SPAG16: variants seen among roughly 807,000 people sequenced by gnomAD.
SPAG16 encodes the protein sperm associated antigen 16, also known as sperm-associated antigen 16 protein.
A neutral mutation model predicts 80.4 loss-of-function variants in SPAG16; 86 were observed. That is an observed-to-expected ratio of 1.07 (90% CI 0.90 to 1.28). SPAG16 has a LOEUF of 1.28. Ranked by LOEUF, SPAG16 falls within the 50% of genes most tolerant of loss-of-function variation. SPAG16 has a pLI of 0.00. For synonymous variants in SPAG16, 294 were observed against 265.9 expected, an observed-to-expected ratio of 1.11 and a Z score of -1.03; for missense variants, 870 against 765.3, an observed-to-expected ratio of 1.14 and a Z score of -1.61.
intron 15 of SPAG16, among the ~76,000 whole-genome samples, chr2:214,300,150 T>A (rs1430493642): frequency 1.3e-5 from 2 of 152,140 alleles, no homozygotes; most frequent in Admixed American, 6.5e-5. Context: ...AATTCTCACA[T>A]ATAGTTTTTA....
At chr2:213,700,191 T>A (rs923673654) in intron 10 of SPAG16, among the ~76,000 whole-genome samples, 3 of 152,096 alleles carry the variant, frequency 2.0e-5, no homozygotes, top group African/African-American at 7.2e-5. Context: ...GATTTGATGT[T>A]ATAGAGCCTC....
intron 10 of SPAG16, among the ~76,000 whole-genome samples, chr2:213,591,722 AG>A (rs2060698651): frequency 6.6e-6 from 1 of 152,198 alleles, no homozygotes; most frequent in African/African-American, 2.4e-5. Context: ...GTGTGTGGCA[AG>A]GGGTCAGCGG....
At chr2:213,382,208 A>T (rs2067208101) in intron 9 of SPAG16, among the ~76,000 whole-genome samples, 1 of 152,196 alleles carries the variant, frequency 6.6e-6, no homozygotes, top group African/African-American at 2.4e-5. Flanking sequence ...CTCTAGCACA[A>T]TTTAAATTAT....
intron 10 of SPAG16, among the ~76,000 whole-genome samples, chr2:213,766,462 C>G (rs1260363028): frequency 2.6e-5 from 4 of 152,122 alleles, no homozygotes; most frequent in Non-Finnish European, 5.9e-5. Context: ...AGCAGCTCAG[C>G]TGAAATTAAA....
At chr2:213,928,806 C>T (rs779734899) in intron 11 of SPAG16, among the ~76,000 whole-genome samples, 14 of 151,680 alleles carry the variant, frequency 9.2e-5, no homozygotes, top group Non-Finnish European at 1.6e-4. Context: ...TATTACAATT[C>T]GGTGAGAGAA....
At chr2:214,208,991 A>T (rs72944062) in intron 15 of SPAG16, among the ~76,000 whole-genome samples, 11,813 of 152,048 alleles carry the variant, frequency 0.078, 539 homozygotes, top group Middle Eastern at 0.1. Context: ...CTTGAACCCA[A>T]TTGCTCTGTT....
chr2:214,222,353 G>A (rs1198129057), intron 15 of SPAG16, among the ~76,000 whole-genome samples: 2 of 151,974 alleles, frequency 1.3e-5, no homozygotes, highest in African/African-American at 4.8e-5. Context: ...CTGACCTCAG[G>A]TGATCCACCC....
chr2:214,340,551 AG>A (rs1697602878), intron 15 of SPAG16, among the ~76,000 whole-genome samples: 1 of 152,222 alleles, frequency 6.6e-6, no homozygotes, highest in African/African-American at 2.4e-5. Context: ...GCCCTGCCCC[AG>A]AGCATGATGG....
intron 10 of SPAG16, among the ~76,000 whole-genome samples, chr2:213,648,863 C>T (rs991097930): frequency 2.0e-5 from 3 of 152,140 alleles, no homozygotes; most frequent in Admixed American, 6.6e-5. Context: ...CTGGTTGACA[C>T]AGTTTAAATT....
intron 9 of SPAG16, among the ~76,000 whole-genome samples, chr2:213,433,901 T>A (rs1010574390): frequency 6.8e-6 from 1 of 148,076 alleles, no homozygotes; most frequent in Non-Finnish European, 1.5e-5. Flanking sequence ...TCTTCTTTTT[T>A]CCTTTTTCTT....
intron 15 of SPAG16, among the ~76,000 whole-genome samples, chr2:214,152,789 T>C (rs2056039268): frequency 6.6e-6 from 1 of 152,108 alleles, no homozygotes; most frequent in Admixed American, 6.5e-5. Context: ...ACGTGTCCAC[T>C]GGACAGGGGG....
intron 10 of SPAG16, among the ~76,000 whole-genome samples, chr2:213,734,319 G>A (rs1039812345): frequency 6.6e-6 from 1 of 152,174 alleles, no homozygotes; most frequent in African/African-American, 2.4e-5. Context: ...GCTATTGGGT[G>A]TCAGTTTTTA....
rs2060007388 is a variant in SPAG16, at chr2:213,573,605, T to A, written c.1070+83515T>A. On this transcript the variant is annotated intron_variant, in intron 10 of 15. Coordinates refer to ENST00000331683, the MANE Select transcript of SPAG16 (RefSeq NM_024532.5). ...AATATTTCACTGTTTCTCACTGCTC[T>A]AATTGCTTTAGGAATTTCCTTTAAT... Among the ~76,000 whole-genome samples, 5 of 152,232 alleles carry A rather than the reference T, an allele frequency of 3.3e-5. No homozygotes were observed. In the South Asian group the frequency reaches 1.0e-3, roughly 31 times the overall value.
rs570697727 is a variant in SPAG16 at position 213,374,163 on chromosome 2, C to T, written c.833-847C>T. 5.0e-4 allele frequency among the ~76,000 whole-genome samples: 76 copies of T among 152,098 alleles called. 1 individual carries two copies. The Middle Eastern group carries it at 0.01, about 20-fold the overall frequency. ...TTTCTCCTTTGTCTAGAACTGGTAT[C>T]GAATAGAAAAAATTAGTCAGAAAAT... On this transcript the variant is annotated intron_variant, in intron 8 of 15. Coordinates refer to ENST00000331683, the MANE Select transcript of SPAG16 (RefSeq NM_024532.5).
At chr2:213,635,568 C>T (rs568245695) in intron 10 of SPAG16, among the ~76,000 whole-genome samples, 1 of 152,226 alleles carries the variant, frequency 6.6e-6, no homozygotes, top group East Asian at 1.9e-4. Flanking sequence ...AACACCCATG[C>T]CAACATCTAT....
intron 10 of SPAG16, among the ~76,000 whole-genome samples, chr2:213,674,586 C>A (rs1057070240): frequency 4.7e-5 from 7 of 149,086 alleles, no homozygotes; most frequent in Non-Finnish European, 8.8e-5. Context: ...TTTCTGTGTC[C>A]ATGTGTTCTC....
At chr2:213,518,145 T>A (rs556781652) in intron 10 of SPAG16, among the ~76,000 whole-genome samples, 1 of 152,138 alleles carries the variant, frequency 6.6e-6, no homozygotes, top group South Asian at 2.1e-4. Context: ...AGGACCTGAA[T>A]AGACACTTTT....
intron 12 of SPAG16, among the ~76,000 whole-genome samples, chr2:213,968,225 A>G (rs1185590658): frequency 6.7e-6 from 1 of 150,338 alleles, no homozygotes; most frequent in African/African-American, 2.5e-5. Flanking sequence ...CCCAGGCTGG[A>G]GTGTAACGGC....
intron 15 of SPAG16, among the ~76,000 whole-genome samples, chr2:214,401,944 T>C (rs193301783): frequency 5.3e-5 from 8 of 152,046 alleles, no homozygotes. Context: ...TTGATAGATA[T>C]AACATTTAAT....
Sources: gnomAD v4.1 joint callset for allele counts (sites outside exome capture counted in the v4.1 genomes callset) on GRCh38, gnomAD v4.1.1 for gene constraint, MANE v1.5 for transcripts, NCBI Gene and HGNC (gene_info 2026-07-23, HGNC 2026-07-21) for gene names.